The following SPATA32 variants were observed in gnomAD, a reference collection of about 807,000 sequenced individuals.
The protein encoded by SPATA32 is spermatogenesis-associated protein 32.
A neutral mutation model predicts 35.4 loss-of-function variants in SPATA32; 28 were observed. The observed-to-expected ratio is 0.79, with a 90% CI of 0.59 to 1.09. The LOEUF (loss-of-function observed/expected upper bound fraction) is 1.09. Among genes scored for constraint, SPATA32 ranks in the 50% least tolerant of loss-of-function variants. The pLI is 0.00. For missense variants in SPATA32, 409 were observed against 475.9 expected (o/e 0.86, Z 1.31); for synonymous variants, 168 against 196.3 (o/e 0.86, Z 1.20).
At position 45,256,692 on chromosome 17, in the gene SPATA32, G is replaced by A. The variant is rs772678782; in HGVS notation, c.69-277C>T. 2.0e-5 allele frequency among the ~76,000 whole-genome samples: 3 copies of A among 152,070 alleles called. No individual in the cohort carries two copies. The highest frequency in any genetic ancestry group is 4.4e-5 in the Non-Finnish European group (3 of 68,014). On this transcript the variant is annotated intron_variant, in intron 2 of 4. Coordinates refer to ENST00000331780, the MANE Select transcript of SPATA32 (RefSeq NM_152343.3). This position sits in a 1 kb window ranked among gnomAD's most constrained non-coding sequence, Gnocchi z 4.7. ...AGGAATCCAGTTGGTTGGAGGTAAGGCCCAGGAATCTCATTTTTATCAAGC... is the reference window on the plus strand; with the variant it reads ...AGGAATCCAGTTGGTTGGAGGTAAGACCCAGGAATCTCATTTTTATCAAGC...
Position 45,255,574 on chromosome 17 carries a change from G to A in SPATA32, c.608C>T (p.Ser203Phe). Residue 203 changes from serine (S) to phenylalanine (F), a missense_variant, in exon 4 of 5, where the codon TCC becomes TTC. By Grantham distance (155) the Ser-to-Phe change is radical (BLOSUM62 -2). Transcript: ENST00000331780. The surrounding 1 kb of genome is among the most constrained non-coding windows in gnomAD (Gnocchi z 5.4). ...ATCAGGGATCTGGAGCTGCTCCTCG[G>A]AGCACAGGGCGTTGGTGGGGATGGC... ...REAIPTNALC[S>F]EEQLQIPDAH... 6.2e-7 allele frequency: 1 copy of A among 1,614,104 alleles called. No homozygotes were observed. The highest frequency in any genetic ancestry group is 1.1e-5 in the South Asian group (1 of 91,088).
intron 1 of SPATA32, among the ~76,000 whole-genome samples, chr17:45,259,164 C>T (rs1272556570): frequency 6.6e-6 from 1 of 152,104 alleles, no homozygotes; most frequent in South Asian, 2.1e-4. Context: ...GCACTGGGGA[C>T]AATCTCCATA....
At position 45,262,018 on chromosome 17, in the gene SPATA32, C is replaced by T. The variant is rs2044015516; in HGVS notation, c.-2G>A. The T allele has an allele frequency of 2.3e-6, 3 of 1,312,324 alleles. No individual in the cohort carries two copies. The East Asian group carries it at 8.4e-5, about 37-fold the overall frequency. 81.3% of individuals were successfully genotyped at this position (1,312,324 alleles called of 1,614,324 possible). A position where few individuals can be genotyped will look rare whatever the true frequency, so the allele number is the denominator to read the frequency against. On this transcript the variant is annotated 5_prime_UTR_variant, in exon 1 of 5. Coordinates refer to ENST00000331780, the MANE Select transcript of SPATA32 (RefSeq NM_152343.3). ...GCCGCTCCCACCTGTCACCCCCATG[C>T]AGACCGAGGCTCTGTCCTGGAGGCG... is the stretch of plus-strand genomic sequence containing the variant.
chr17:45,259,764 C>T (rs1288139817), intron 1 of SPATA32: 1 of 152,086 alleles, frequency 6.6e-6, no homozygotes, highest in Non-Finnish European at 1.5e-5. Context: ...AGCTATCCAC[C>T]TGCCGTGGCC....
At chr17:45,257,330 A>G in intron 1 of SPATA32, 123 bp from the exon 2 acceptor site, 5 of 1,068,896 alleles carry the variant, frequency 4.7e-6, no homozygotes, top group Non-Finnish European at 6.9e-6. Flanking sequence ...ATTCCCCCTC[A>G]CCGTCCTGCC....
At chr17:45,260,756 A>G (rs889248354) in intron 1 of SPATA32, 5 of 152,160 alleles carry the variant, frequency 3.3e-5, no homozygotes, top group Admixed American at 1.3e-4. Context: ...TGGATTTTCA[A>G]TGACCTCAGA....
intron 1 of SPATA32, among the ~76,000 whole-genome samples, chr17:45,257,962 G>C (rs1303586656): frequency 2.6e-5 from 4 of 152,162 alleles, no homozygotes; most frequent in African/African-American, 9.7e-5. Context: ...GTGGGAGTGG[G>C]AAGCACCAGG....
Position 45,255,564 on chromosome 17 carries a change from C to T in SPATA32, c.618G>A (p.Gln206=). ...IPTNALCSEE[Q]LQIPDAHSAP... Reference sequence around the variant, plus strand: ...CTGAGTGGGCATCAGGGATCTGGAGCTGCTCCTCGGAGCACAGGGCGTTGG... The same window carrying T: ...CTGAGTGGGCATCAGGGATCTGGAGTTGCTCCTCGGAGCACAGGGCGTTGG... Residue 206 remains glutamine, a synonymous_variant, in exon 4 of 5, where the codon CAG becomes CAA. Coordinates refer to ENST00000331780, the MANE Select transcript of SPATA32 (RefSeq NM_152343.3). This position sits in a 1 kb window ranked among gnomAD's most constrained non-coding sequence, Gnocchi z 5.4. The T allele has an allele frequency of 6.2e-7, 1 of 1,614,110 alleles. No homozygotes were observed. Among genetic ancestry groups the T allele is most frequent in the Non-Finnish European group, 8.5e-7 (1 of 1,180,032 alleles).
At chr17:45,259,023 T>C (rs1183594397) in intron 1 of SPATA32, among the ~76,000 whole-genome samples, 4 of 139,930 alleles carry the variant, frequency 2.9e-5, no homozygotes, top group African/African-American at 1.0e-4. Context: ...AAATCTTATT[T>C]GTTCTCATAG....
intron 1 of SPATA32, chr17:45,260,535 A>G (rs939880062): frequency 3.9e-5 from 6 of 152,278 alleles, no homozygotes; most frequent in African/African-American, 1.4e-4. Flanking sequence ...TGCTTTGCAC[A>G]TTCAGTCTTC....
At chr17:45,258,783 C>T (rs1041222226) in intron 1 of SPATA32, among the ~76,000 whole-genome samples, 3 of 152,156 alleles carry the variant, frequency 2.0e-5, no homozygotes, top group Middle Eastern at 6.8e-3. Flanking sequence ...TATAGGCATG[C>T]GCCACGACGC....
At chr17:45,261,616 A>G (rs2044009484) in intron 1 of SPATA32, among the ~76,000 whole-genome samples, 1 of 152,238 alleles carries the variant, frequency 6.6e-6, no homozygotes, top group South Asian at 2.1e-4. Flanking sequence ...CTCAAGCATC[A>G]AGGAGGGACA....
chr17:45,256,119 C>T lies in SPATA32; in HGVS notation c.109-46G>A. ...GCTGAGGAGGCAGGAGCGGGAGGTC[C>T]TGCCCCTGAGGCCCTCCCTGGCACC... On this transcript the variant is annotated intron_variant, in intron 3 of 4. Coordinates refer to ENST00000331780, the MANE Select transcript of SPATA32 (RefSeq NM_152343.3). The surrounding 1 kb of genome is among the most constrained non-coding windows in gnomAD (Gnocchi z 4.7). 1.3e-6 allele frequency: 2 copies of T among 1,561,612 alleles called. No individual in the cohort carries two copies. The highest frequency in any genetic ancestry group is 1.7e-6 in the Non-Finnish European group (2 of 1,151,528).
At chr17:45,261,961 C>G in intron 1 of SPATA32, 43 bp downstream of exon 1, 1 of 1,310,796 alleles carries the variant, frequency 7.6e-7, no homozygotes, top group Non-Finnish European at 9.8e-7. Context: ...TCGCTTTCCC[C>G]GCCTGCCCCA....
chr17:45,255,007 T>C lies in SPATA32; in HGVS notation c.1067+108A>G. The C allele has an allele frequency of 9.3e-7, 1 of 1,076,084 alleles. No homozygotes were observed. Among genetic ancestry groups the C allele is most frequent in the South Asian group, 1.5e-5 (1 of 66,452 alleles). The allele number at this position is 1,076,084 out of a possible 1,614,324, so 66.7% of individuals were successfully genotyped here. On this transcript the variant is annotated intron_variant, in intron 4 of 4. Transcript: ENST00000331780. This position sits in a 1 kb window ranked among gnomAD's most constrained non-coding sequence, Gnocchi z 5.4. The stretch of plus-strand genomic sequence containing the variant: ...GGCGTCACAGCCCACCACATCCTGC[T>C]CCCAGGCCCTCATTCCACTGTTCCC...
chr17:45,256,396 G>C lies in SPATA32; in HGVS notation c.88C>G (p.Gln30Glu), dbSNP rs1253963377. ...TTTACCTCCTGTTCCTCTTGTATCT[G>C]GTGTTGACTTAAGTCATCTCTAAGA... ...AEMRDDLSQH[Q>E]IQEEQELEAD... is the part of the protein sequence containing the mutation. Residue 30 changes from glutamine to glutamate, a missense_variant, in exon 3 of 5, where the codon CAG becomes GAG. Transcript: ENST00000331780. This position sits in a 1 kb window ranked among gnomAD's most constrained non-coding sequence, Gnocchi z 4.7. 5 of 1,607,362 alleles carry C rather than the reference G, an allele frequency of 3.1e-6. No homozygotes were observed. The East Asian group carries it at 8.9e-5, about 29-fold the overall frequency.
chr17:45,257,324 C>T, intron 1 of SPATA32, 117 bp from the exon 2 acceptor site: 1 of 1,149,056 alleles, frequency 8.7e-7, no homozygotes, highest in East Asian at 2.6e-5. Context: ...GCTGCTATTC[C>T]CCCTCACCGT....
intron 1 of SPATA32, among the ~76,000 whole-genome samples, chr17:45,259,123 G>A (rs1035870803): frequency 7.9e-5 from 12 of 151,702 alleles, no homozygotes; most frequent in African/African-American, 2.9e-4. Context: ...CTCCCAATCT[G>A]GTTCCTCTTA....
At chr17:45,254,776 C>T (rs1169891068) in intron 4 of SPATA32, among the ~76,000 whole-genome samples, 1 of 152,202 alleles carries the variant, frequency 6.6e-6, no homozygotes, top group African/African-American at 2.4e-5. Context: ...CAGGGCAGAC[C>T]CCAGCCTGAG....
Sources: allele counts gnomAD v4.1 joint callset (sites outside exome capture counted in the v4.1 genomes callset), GRCh38; gene constraint gnomAD v4.1.1; non-coding constraint Gnocchi (gnomAD v3.1); transcripts MANE v1.5; gene names NCBI Gene and HGNC (gene_info 2026-07-23, HGNC 2026-07-21).